The following FAM78B variants were observed in gnomAD, a reference collection of about 807,000 sequenced individuals.
FAM78B encodes the protein protein FAM78B.
Under a neutral mutation model 20.0 loss-of-function variants are expected in FAM78B, and 10 were observed. That is an observed-to-expected ratio of 0.50 (90% CI 0.31 to 0.85). The LOEUF (loss-of-function observed/expected upper bound fraction) is 0.85. Ranked by LOEUF, FAM78B falls within the 40% of genes least tolerant of loss-of-function variation. FAM78B has a pLI of 0.05. For missense variants in FAM78B, 283 were observed against 345.0 expected (o/e 0.82, Z 1.42); for synonymous variants, 135 against 132.8 (o/e 1.02, Z -0.12).
chr1:166,158,270 A>G (rs1655993583), intron 1 of FAM78B, among the ~76,000 whole-genome samples: 1 of 152,206 alleles, frequency 6.6e-6, no homozygotes, highest in African/African-American at 2.4e-5. Context: ...GGCTGCAATG[A>G]GCTGTGATTG....
At chr1:166,099,658 C>T (rs1401769003) in intron 1 of FAM78B, among the ~76,000 whole-genome samples, 3 of 151,580 alleles carry the variant, frequency 2.0e-5, no homozygotes, top group Non-Finnish European at 4.4e-5. Flanking sequence ...TTTAAAGCAA[C>T]AGCAGTTAAA....
At chr1:166,139,610 T>C (rs968133686) in intron 1 of FAM78B, among the ~76,000 whole-genome samples, 11 of 152,068 alleles carry the variant, frequency 7.2e-5, no homozygotes, top group Admixed American at 2.0e-4. Flanking sequence ...GAGGTGGCAT[T>C]TGAACATCAA....
chr1:166,123,535 T>G (rs1654536782), intron 1 of FAM78B, among the ~76,000 whole-genome samples: 1 of 152,232 alleles, frequency 6.6e-6, no homozygotes, highest in East Asian at 1.9e-4. Context: ...AATTTAATAT[T>G]CTTCAATGGC....
chr1:166,106,204 T>G (rs1653777988), intron 1 of FAM78B, among the ~76,000 whole-genome samples: 2 of 87,706 alleles, frequency 2.3e-5, no homozygotes. Context: ...CGGGGCCTGT[T>G]GTGGGGTGGG....
At chr1:166,091,632 C>T (rs1653077844) in intron 1 of FAM78B, among the ~76,000 whole-genome samples, 1 of 152,170 alleles carries the variant, frequency 6.6e-6, no homozygotes, top group South Asian at 2.1e-4. Context: ...CAGATGGTAT[C>T]TCAAGCCTAA....
At chr1:166,113,432 G>A (rs1282556112) in intron 1 of FAM78B, among the ~76,000 whole-genome samples, 1 of 152,246 alleles carries the variant, frequency 6.6e-6, no homozygotes, top group African/African-American at 2.4e-5. Flanking sequence ...TAAATTAAAT[G>A]TGTGATGAGA....
Position 166,134,075 on chromosome 1 carries a change from T to C in FAM78B, c.263+31911A>G, listed in dbSNP as rs923935277. On this transcript the variant is annotated intron_variant, in intron 1 of 1. Coordinates refer to ENST00000354422, the MANE Select transcript of FAM78B (RefSeq NM_001017961.5). Reference sequence around the variant, plus strand: ...CCTCAGGTTCAGAGAAAAGAAAGTTTGGGGGGTTTCCCCATGCTGTCAGGG... The same window carrying C: ...CCTCAGGTTCAGAGAAAAGAAAGTTCGGGGGGTTTCCCCATGCTGTCAGGG... Among the ~76,000 whole-genome samples the C allele has an allele frequency of 4.5e-4, 69 of 152,314 alleles. 1 individual carries two copies. Among genetic ancestry groups the C allele is most frequent in the African/African-American group, 1.6e-3 (66 of 41,562 alleles).
chr1:166,058,646 T>G (rs1310514508), exon 3 of FAM78B: 1 of 152,032 alleles, frequency 6.6e-6, no homozygotes, highest in Non-Finnish European at 1.5e-5. Context: ...AAGTGAAAGA[T>G]AACAAAAGCC....
intron 1 of FAM78B, among the ~76,000 whole-genome samples, chr1:166,145,540 GA>G (rs1322438898): frequency 6.6e-6 from 1 of 152,232 alleles, no homozygotes; most frequent in African/African-American, 2.4e-5. Flanking sequence ...CAGTTGCATG[GA>G]GGAGGGGAAG....
At chr1:166,159,522 C>T (rs1656059280) in intron 1 of FAM78B, among the ~76,000 whole-genome samples, 1 of 152,190 alleles carries the variant, frequency 6.6e-6, no homozygotes, top group Non-Finnish European at 1.5e-5. Flanking sequence ...ATTTCCCTTT[C>T]ACTTGCCAGT....
At chr1:166,089,588 T>C (rs890397149) in intron 1 of FAM78B, among the ~76,000 whole-genome samples, 1 of 151,976 alleles carries the variant, frequency 6.6e-6, no homozygotes, top group Non-Finnish European at 1.5e-5. Flanking sequence ...GGGGCAGCCA[T>C]GAAGCATGGC....
intron 1 of FAM78B, among the ~76,000 whole-genome samples, chr1:166,096,419 C>G (rs1486483259): frequency 6.6e-6 from 1 of 152,170 alleles, no homozygotes; most frequent in African/African-American, 2.4e-5. Context: ...GCATAGATCA[C>G]TCTACATCCA....
At chr1:166,069,121 T>TA (rs1337539050), downstream of FAM78B, among the ~76,000 whole-genome samples, 1 of 152,122 alleles carries the variant, frequency 6.6e-6, no homozygotes, top group African/African-American at 2.4e-5. Flanking sequence ...TAAATATATA[T>TA]AAAAATATAC....
chr1:166,117,852 T>C (rs1448885724), intron 1 of FAM78B, among the ~76,000 whole-genome samples: 3 of 151,840 alleles, frequency 2.0e-5, no homozygotes, highest in Admixed American at 6.6e-5. Flanking sequence ...AAAGACAGAG[T>C]CAGGAGCACA....
chr1:166,141,757 T>C (rs1655286567), intron 1 of FAM78B, among the ~76,000 whole-genome samples: 1 of 152,212 alleles, frequency 6.6e-6, no homozygotes, highest in Admixed American at 6.5e-5. Flanking sequence ...GCACAGTCCA[T>C]CACAGCTTGT....
chr1:166,083,549 G>C (rs1652665736), intron 1 of FAM78B, among the ~76,000 whole-genome samples: 1 of 152,202 alleles, frequency 6.6e-6, no homozygotes, highest in Non-Finnish European at 1.5e-5. Flanking sequence ...CGGTCACCCA[G>C]GCTGGAGTGC....
At chr1:166,115,645 T>C (rs950248451) in intron 1 of FAM78B, among the ~76,000 whole-genome samples, 1 of 152,120 alleles carries the variant, frequency 6.6e-6, no homozygotes, top group Non-Finnish European at 1.5e-5. Flanking sequence ...TTATGATCTA[T>C]CAAAGGTTGA....
intron 1 of FAM78B, among the ~76,000 whole-genome samples, chr1:166,156,521 T>C (rs999786010): frequency 2.0e-5 from 3 of 152,304 alleles, no homozygotes; most frequent in African/African-American, 7.2e-5. Flanking sequence ...CAGGATGACC[T>C]TGGGCACATA....
chr1:166,160,052 T>C (rs746267956), intron 1 of FAM78B, among the ~76,000 whole-genome samples: 1 of 152,204 alleles, frequency 6.6e-6, no homozygotes, highest in Non-Finnish European at 1.5e-5. Flanking sequence ...GTGAGCCTCC[T>C]GATTGGAATG....
Sources: allele counts gnomAD v4.1 joint callset (sites outside exome capture counted in the v4.1 genomes callset), GRCh38; gene constraint gnomAD v4.1.1; transcripts MANE v1.5; gene names NCBI Gene and HGNC (gene_info 2026-07-23, HGNC 2026-07-21).